The following TMEM163 variants were observed in gnomAD, a reference collection of about 807,000 sequenced individuals.
TMEM163 encodes the protein transmembrane protein 163.
In TMEM163, 17 loss-of-function variants were observed where a neutral mutation model predicts 29.3. That is an observed-to-expected ratio of 0.58 (90% confidence interval 0.40 to 0.87). TMEM163 has a LOEUF of 0.87. Ranked by LOEUF, TMEM163 falls within the 40% of genes least tolerant of loss-of-function variation. The pLI is 0.00. For synonymous variants in TMEM163, 157 were observed against 160.6 expected, an observed-to-expected ratio of 0.98 and a Z score of 0.17; for missense variants, 303 against 381.5, an observed-to-expected ratio of 0.79 and a Z score of 1.71.
At position 134,552,009 on chromosome 2, in the gene TMEM163, C is replaced by T. The variant is rs187471024; in HGVS notation, c.366+39G>A. On this transcript the variant is annotated intron_variant, in intron 3 of 7. Coordinates refer to ENST00000281924, the MANE Select transcript of TMEM163 (RefSeq NM_030923.5). ...TGAGGTTTATGGGCTTATGAAAAAA[C>T]GTGCAAAACTTGATGAAAGTACATT... is the stretch of plus-strand genomic sequence containing the variant. 2.4e-4 allele frequency: 381 copies of T among 1,597,928 alleles called. 3 individuals are homozygous for T. In the East Asian group the frequency reaches 5.7e-3, roughly 24 times the overall value.
chr2:134,648,367 T>C (rs973959385), intron 2 of TMEM163, among the ~76,000 whole-genome samples: 1 of 81,178 alleles, frequency 1.2e-5, no homozygotes, highest in African/African-American at 4.9e-5. Flanking sequence ...GAACCTGGGG[T>C]TTCTATGGGC....
At chr2:134,599,801 G>A (rs563464324) in intron 2 of TMEM163, among the ~76,000 whole-genome samples, 2 of 150,570 alleles carry the variant, frequency 1.3e-5, no homozygotes, top group Non-Finnish European at 2.9e-5. Flanking sequence ...CCAGAGTGTT[G>A]AGATTACAGG....
At chr2:134,632,567 A>G (rs1395631764) in intron 2 of TMEM163, among the ~76,000 whole-genome samples, 1 of 152,200 alleles carries the variant, frequency 6.6e-6, no homozygotes, top group Non-Finnish European at 1.5e-5. Flanking sequence ...AAAGTACAGC[A>G]GATGTGGTGT....
At chr2:134,502,741 A>AC (rs1177615014) in intron 5 of TMEM163, among the ~76,000 whole-genome samples, 160 bp downstream of exon 5, 2 of 152,146 alleles carry the variant, frequency 1.3e-5, no homozygotes, top group Non-Finnish European at 2.9e-5. Context: ...GTTTCTCTCC[A>AC]CCAGGTCATT....
intron 2 of TMEM163, among the ~76,000 whole-genome samples, chr2:134,621,694 T>C (rs1168525911): frequency 2.0e-5 from 3 of 151,542 alleles, no homozygotes. Flanking sequence ...ATCGAGACCA[T>C]CCTGGCTAAC....
chr2:134,508,428 T>C (rs1294961460), intron 4 of TMEM163, among the ~76,000 whole-genome samples: 1 of 152,254 alleles, frequency 6.6e-6, no homozygotes, highest in East Asian at 1.9e-4. Context: ...GGTGTGAGCA[T>C]ATAACACGGT....
At chr2:134,581,834 A>G (rs78943729) in intron 2 of TMEM163, among the ~76,000 whole-genome samples, 1 of 152,234 alleles carries the variant, frequency 6.6e-6, no homozygotes, top group Non-Finnish European at 1.5e-5. Flanking sequence ...AGAACCAAAA[A>G]GGCAACTACC....
intron 2 of TMEM163, among the ~76,000 whole-genome samples, chr2:134,577,913 G>A (rs1242257397): frequency 2.6e-5 from 4 of 152,134 alleles, no homozygotes; most frequent in African/African-American, 9.7e-5. Context: ...ACATCTAGAG[G>A]TGATTTAAAG....
intron 2 of TMEM163, among the ~76,000 whole-genome samples, chr2:134,644,234 AT>A (rs1221018682): frequency 6.6e-6 from 1 of 152,006 alleles, no homozygotes; most frequent in Non-Finnish European, 1.5e-5. Context: ...TTCCAGAGAG[AT>A]TTTTTTTCTA....
intron 5 of TMEM163, among the ~76,000 whole-genome samples, chr2:134,474,018 T>C (rs1291291776): frequency 6.6e-6 from 1 of 152,224 alleles, no homozygotes; most frequent in East Asian, 1.9e-4. Context: ...AATTTATTTC[T>C]GAGGCCAGCA....
rs117759441 is a variant in TMEM163, at chr2:134,701,271, T to C, written c.322+11929A>G. On this transcript the variant is annotated intron_variant, in intron 2 of 7. Coordinates refer to ENST00000281924, the MANE Select transcript of TMEM163 (RefSeq NM_030923.5). ...CAATTTTTAGAAGCTAGAAAGCATA[T>C]GGGCAAGTGGTAATTGATTTAACAG... Among the ~76,000 whole-genome samples, 436 of 151,982 alleles carry C rather than the reference T, an allele frequency of 2.9e-3. 5 individuals carry two copies. In the East Asian group the frequency reaches 0.03, roughly 10 times the overall value.
chr2:134,718,084 G>A (rs537434679), intron 1 of TMEM163, among the ~76,000 whole-genome samples: 12 of 152,348 alleles, frequency 7.9e-5, no homozygotes, highest in East Asian at 5.8e-4. Flanking sequence ...AGATGAGGTT[G>A]GTGGCCCAAA....
At chr2:134,627,155 C>T (rs1450245951) in intron 2 of TMEM163, among the ~76,000 whole-genome samples, 1 of 152,154 alleles carries the variant, frequency 6.6e-6, no homozygotes, top group East Asian at 1.9e-4. Flanking sequence ...CTATATTCCT[C>T]CCTTTGAAAT....
intron 2 of TMEM163, among the ~76,000 whole-genome samples, chr2:134,579,576 TTC>T (rs1219984858): frequency 6.6e-6 from 1 of 152,236 alleles, no homozygotes; most frequent in Non-Finnish European, 1.5e-5. Context: ...ATCCTTTTTT[TTC>T]TTTTTCCTGT....
intron 5 of TMEM163, among the ~76,000 whole-genome samples, chr2:134,478,483 C>T (rs755116632): frequency 7.9e-5 from 12 of 152,148 alleles, no homozygotes; most frequent in Non-Finnish European, 1.6e-4. Flanking sequence ...GTGAAGATTG[C>T]CCACGTATGC....
intron 4 of TMEM163, among the ~76,000 whole-genome samples, chr2:134,538,684 T>C (rs1010670652): frequency 6.6e-6 from 1 of 152,172 alleles, no homozygotes; most frequent in South Asian, 2.1e-4. Context: ...GACGACACTA[T>C]GCTGAGTGAC....
At chr2:134,500,938 A>G (rs1679683391) in intron 5 of TMEM163, among the ~76,000 whole-genome samples, 1 of 152,190 alleles carries the variant, frequency 6.6e-6, no homozygotes, top group Non-Finnish European at 1.5e-5. Flanking sequence ...ATAATATACT[A>G]TATAGGTTAT....
At chr2:134,456,912 G>C in intron 7 of TMEM163, 136 bp from the exon 8 acceptor site, 1 of 859,308 alleles carries the variant, frequency 1.2e-6, no homozygotes, top group Admixed American at 2.1e-5. Context: ...GTGGTTTTTA[G>C]TATATTCATC....
At chr2:134,667,400 C>T (rs1173918016) in intron 2 of TMEM163, among the ~76,000 whole-genome samples, 2 of 152,204 alleles carry the variant, frequency 1.3e-5, no homozygotes, top group African/African-American at 4.8e-5. Flanking sequence ...GCTTTCTCTT[C>T]CCCCTTCTCC....
Sources: gnomAD v4.1 joint callset for allele counts (sites outside exome capture counted in the v4.1 genomes callset) on GRCh38, gnomAD v4.1.1 for gene constraint, MANE v1.5 for transcripts, NCBI Gene and HGNC (gene_info 2026-07-23, HGNC 2026-07-21) for gene names.